Variants in PTCD3 observed in about 807,000 individuals in gnomAD.
The protein encoded by PTCD3 is small ribosomal subunit protein mS39.
A neutral mutation model predicts 101.9 loss-of-function variants in PTCD3; 89 were observed. The ratio of observed to expected loss-of-function variants is 0.87; its 90% CI spans 0.74 to 1.04. PTCD3 has a LOEUF of 1.04. Among genes scored for constraint, PTCD3 ranks in the 50% least tolerant of loss-of-function variants. PTCD3 has a pLI of 0.00. For synonymous variants in PTCD3, 296 were observed against 278.5 expected (o/e 1.06, Z -0.63); for missense variants, 870 against 828.2 (o/e 1.05, Z -0.62).
chr2:86,121,681 A>G (rs548736668), intron 8 of PTCD3, 87 bp downstream of exon 8: 2 of 805,166 alleles, frequency 2.5e-6, no homozygotes, highest in South Asian at 1.7e-5. Flanking sequence ...TTGTTTTGCC[A>G]TGTGTCAGGG....
chr2:86,107,496 A>G (rs1673981990), intron 1 of PTCD3, among the ~76,000 whole-genome samples: 1 of 152,212 alleles, frequency 6.6e-6, no homozygotes, highest in Non-Finnish European at 1.5e-5. Flanking sequence ...GCCATTTAGT[A>G]AGGGGAAACA....
intron 4 of PTCD3, among the ~76,000 whole-genome samples, chr2:86,112,955 T>C (rs369092314): frequency 1.3e-5 from 2 of 152,228 alleles, no homozygotes; most frequent in Admixed American, 6.5e-5. Flanking sequence ...CCTGTCATGC[T>C]GACAATCATG....
At chr2:86,108,478 C>G in intron 2 of PTCD3, 22 bp from the exon 3 acceptor site, 2 of 1,588,696 alleles carry the variant, frequency 1.3e-6, no homozygotes, top group Non-Finnish European at 8.5e-7. Flanking sequence ...GAAACTGATT[C>G]ATGTTTTCTT....
At chr2:86,111,014 C>T (rs910746096) in intron 3 of PTCD3, 99 bp from the exon 4 acceptor site, 4 of 1,062,286 alleles carry the variant, frequency 3.8e-6, no homozygotes, top group African/African-American at 1.6e-5. Context: ...ATGAGATCTG[C>T]ACTATGTTAT....
Position 86,124,992 on chromosome 2 carries a change from T to C in PTCD3, c.717-3T>C. 1 of 1,613,852 alleles carries C rather than the reference T, an allele frequency of 6.2e-7. No individual in the cohort carries two copies. The highest frequency in any genetic ancestry group is 8.5e-7 in the Non-Finnish European group (1 of 1,179,982). On this transcript the variant is annotated splice_polypyrimidine_tract_variant and splice_region_variant and intron_variant, in intron 9 of 23. Coordinates refer to ENST00000254630, the MANE Select transcript of PTCD3 (RefSeq NM_017952.6). ...GGGTTCACATTTACTCTCTTGTGTC[T>C]AGAGCAAAAAACAACGCTGAGAGAA...
rs183749604 is a variant in PTCD3, at chr2:86,119,056, C to A, written c.538+12C>A. The A allele has an allele frequency of 5.0e-6, 8 of 1,612,156 alleles. No homozygotes were observed. The highest frequency in any genetic ancestry group is 6.8e-6 in the Non-Finnish European group (8 of 1,179,586). ...GCTTTTGCAAGCAGGTGACTGAGTTCGATTAAAGCCCCTCTAATAACATGG... is the reference window on the plus strand; with the variant it reads ...GCTTTTGCAAGCAGGTGACTGAGTTAGATTAAAGCCCCTCTAATAACATGG... On this transcript the variant is annotated intron_variant, in intron 7 of 23. Transcript: ENST00000254630.
rs372521969 is a variant in PTCD3, at chr2:86,132,401, T to C, written c.1350T>C (p.Pro450=). ...GAGACAACTGGAAATTCATTGGACC[T>C]GATCAACATCGTAATTTCTATTAGT... ...KTGDNWKFIG[P]DQHRNFYYSK... Residue 450 remains proline, a synonymous_variant, in exon 17 of 24, where the codon CCT becomes CCC. Coordinates refer to ENST00000254630, the MANE Select transcript of PTCD3 (RefSeq NM_017952.6). 3.1e-6 allele frequency: 5 copies of C among 1,598,122 alleles called. No homozygotes were observed. Among genetic ancestry groups the C allele is most frequent in the Non-Finnish European group, 4.3e-6 (5 of 1,165,984 alleles).
chr2:86,120,007 G>A (rs756299062), intron 7 of PTCD3, among the ~76,000 whole-genome samples: 3 of 152,156 alleles, frequency 2.0e-5, no homozygotes, highest in African/African-American at 7.2e-5. Context: ...TGGAAGTGGT[G>A]GAAACTGGAC....
At chr2:86,122,283 T>G (rs1316875859) in intron 8 of PTCD3, among the ~76,000 whole-genome samples, 1 of 152,198 alleles carries the variant, frequency 6.6e-6, no homozygotes, top group African/African-American at 2.4e-5. Flanking sequence ...CAGTATATAT[T>G]CCATTTTTGT....
At chr2:86,112,502 G>A (rs1674107505) in intron 4 of PTCD3, among the ~76,000 whole-genome samples, 1 of 151,644 alleles carries the variant, frequency 6.6e-6, no homozygotes, top group African/African-American at 2.4e-5. Context: ...TGAACATGGT[G>A]AAACCCTGTC....
intron 19 of PTCD3, 60 bp downstream of exon 19, chr2:86,133,496 A>G (rs1373403860): frequency 7.0e-7 from 1 of 1,438,214 alleles, no homozygotes; most frequent in Non-Finnish European, 9.7e-7. Flanking sequence ...TACTTTGATA[A>G]TGAATGTGCT....
intron 14 of PTCD3, among the ~76,000 whole-genome samples, chr2:86,130,175 C>T (rs1338970669): frequency 6.6e-6 from 1 of 152,052 alleles, no homozygotes; most frequent in East Asian, 1.9e-4. Context: ...GTGGCGAGGG[C>T]GTTAGTCCCA....
chr2:86,121,662 T>C (rs1395352424), intron 8 of PTCD3, 68 bp downstream of exon 8: 3 of 999,316 alleles, frequency 3.0e-6, no homozygotes, highest in African/African-American at 3.3e-5. Flanking sequence ...CTTTTAAAAA[T>C]AAGATGGGTT....
chr2:86,121,309 A>C (rs541202426), intron 7 of PTCD3, among the ~76,000 whole-genome samples, 170 bp from the exon 8 acceptor site: 3 of 152,184 alleles, frequency 2.0e-5, no homozygotes, highest in Non-Finnish European at 4.4e-5. Flanking sequence ...GTCCCTGTCT[A>C]CGTCACTTCA....
At chr2:86,109,356 G>A (rs773342280) in intron 3 of PTCD3, among the ~76,000 whole-genome samples, 1 of 150,748 alleles carries the variant, frequency 6.6e-6, no homozygotes, top group African/African-American at 2.4e-5. Flanking sequence ...GCAGTGAGCC[G>A]AGGTCGCGCC....
chr2:86,115,937 G>A (rs948229533), intron 4 of PTCD3, among the ~76,000 whole-genome samples: 67 of 152,282 alleles, frequency 4.4e-4, no homozygotes, highest in African/African-American at 1.5e-3. Flanking sequence ...CTGGGATTCT[G>A]CTGTTAGGAC....
intron 7 of PTCD3, among the ~76,000 whole-genome samples, 176 bp from the exon 8 acceptor site, chr2:86,121,303 C>T (rs915501604): frequency 6.6e-6 from 1 of 152,178 alleles, no homozygotes; most frequent in African/African-American, 2.4e-5. Flanking sequence ...GGTTATGTCC[C>T]TGTCTACGTC....
chr2:86,109,460 T>G (rs1337604783), intron 3 of PTCD3, among the ~76,000 whole-genome samples: 1 of 152,168 alleles, frequency 6.6e-6, no homozygotes, highest in Admixed American at 6.5e-5. Context: ...AGAACTTTAT[T>G]AATCTGAACT....
chr2:86,116,689 G>C, intron 5 of PTCD3, 91 bp downstream of exon 5: 1 of 979,634 alleles, frequency 1.0e-6, no homozygotes, highest in East Asian at 2.4e-5. Context: ...ACCTGGGAAA[G>C]GTTTACAAAT....
Sources: gnomAD v4.1 joint callset for allele counts (sites outside exome capture counted in the v4.1 genomes callset) on GRCh38, gnomAD v4.1.1 for gene constraint, MANE v1.5 for transcripts, NCBI Gene and HGNC (gene_info 2026-07-23, HGNC 2026-07-21) for gene names.